The following ZNF486 variants were observed in gnomAD, a reference collection of about 807,000 sequenced individuals.
ZNF486 encodes KRAB box only protein 2.
A neutral mutation model predicts 12.8 loss-of-function variants in ZNF486; 12 were observed. That is an observed-to-expected ratio of 0.94 (90% CI 0.60 to 1.52). The LOEUF (loss-of-function observed/expected upper bound fraction) is 1.52, where lower values mean the gene tolerates loss of function less well. Among genes scored for constraint, ZNF486 ranks in the 40% most tolerant of loss-of-function variants. The probability of loss-of-function intolerance (pLI) is 0.00; values close to 1 mark genes in which losing one functional copy is unlikely to be tolerated. For synonymous variants in ZNF486, 231 were observed against 184.9 expected, an observed-to-expected ratio of 1.25 and a Z score of -2.02; for missense variants, 738 against 545.0, an observed-to-expected ratio of 1.35 and a Z score of -3.53.
intron 1 of ZNF486, among the ~76,000 whole-genome samples, chr19:20,168,846 A>G (rs2122618158): frequency 6.6e-6 from 1 of 151,972 alleles, no homozygotes; most frequent in South Asian, 2.1e-4. Flanking sequence ...GGGTTAAAAA[A>G]AATTTTTTTT....
At chr19:20,190,253 G>GC (rs1389129372) in intron 3 of ZNF486, among the ~76,000 whole-genome samples, 4 of 152,180 alleles carry the variant, frequency 2.6e-5, no homozygotes, top group African/African-American at 9.7e-5. Context: ...TGACCCCTGA[G>GC]CAAGAATATG....
rs1555716040 is a variant in ZNF486 at position 20,184,442 on chromosome 19, G to C, written c.117G>C (p.Arg39Ser). The C allele has an allele frequency of 1.9e-6, 3 of 1,613,154 alleles. No individual in the cohort carries two copies. The Admixed American group carries it at 5.0e-5, about 27-fold the overall frequency. Residue 39 changes from arginine to serine, a missense_variant, in exon 2 of 4, where the codon AGG becomes AGC. Arg to Ser is a moderately radical substitution (Grantham distance 110). Coordinates refer to ENST00000335117, the MANE Select transcript of ZNF486 (RefSeq NM_052852.4). ...CLDTAQQNLY[R>S]DVMLENYRHL... is the part of the protein sequence containing the mutation. ...ACACTGCACAGCAGAATTTATATAGGGATGTGATGTTAGAGAACTACAGAC... is the reference window on the plus strand; with the variant it reads ...ACACTGCACAGCAGAATTTATATAGCGATGTGATGTTAGAGAACTACAGAC...
intron 1 of ZNF486, among the ~76,000 whole-genome samples, chr19:20,180,199 G>A (rs1555715360): frequency 6.6e-6 from 1 of 152,220 alleles, no homozygotes; most frequent in African/African-American, 2.4e-5. Context: ...CTGTCTCAGT[G>A]TAAGAGAAAT....
intron 3 of ZNF486, among the ~76,000 whole-genome samples, chr19:20,189,451 C>T (rs2089881844): frequency 6.6e-6 from 1 of 152,092 alleles, no homozygotes; most frequent in South Asian, 2.1e-4. Context: ...CTTTGTTTTC[C>T]AGCAAGAAGC....
chr19:20,197,788 A>T lies in ZNF486; in HGVS notation c.1078A>T (p.Thr360Ser), dbSNP rs2089975413. 1.2e-6 allele frequency: 2 copies of T among 1,613,768 alleles called. No homozygotes were observed. Among genetic ancestry groups the T allele is most frequent in the South Asian group, 2.2e-5 (2 of 91,070 alleles). ...YKCEECGKAF[T>S]RSSHLTMHKI... ...ATGTGAAGAATGTGGCAAAGCCTTC[A>T]CCCGCTCCTCACACCTTACTATGCA... The change falls in exon 4 of 4, where the codon ACC (threonine) becomes TCC (serine). Residue 360 changes from threonine to serine, a missense_variant. By Grantham distance (58) the Thr-to-Ser change is moderately conservative. Transcript: ENST00000335117.
intron 3 of ZNF486, among the ~76,000 whole-genome samples, chr19:20,194,652 C>T (rs782452482): frequency 8.5e-5 from 13 of 152,078 alleles, no homozygotes; most frequent in African/African-American, 1.7e-4. Context: ...CCCTTGAACC[C>T]GGGAGTTGGA....
intron 1 of ZNF486, 25 bp from the exon 2 acceptor site, chr19:20,184,331 A>ATGTG (rs367731486): frequency 8.4e-6 from 13 of 1,545,014 alleles, no homozygotes; most frequent in African/African-American, 6.9e-5. Context: ...CTTGGTGAAA[A>ATGTG]TGTGTGTGTG....
chr19:20,191,327 C>A (rs1555717152), intron 3 of ZNF486, among the ~76,000 whole-genome samples: 1 of 150,946 alleles, frequency 6.6e-6, no homozygotes, highest in Non-Finnish European at 1.5e-5. Context: ...AAAAGCCGGG[C>A]GTGCTGGTGG....
At chr19:20,190,871 A>G (rs1315395035) in intron 3 of ZNF486, among the ~76,000 whole-genome samples, 4 of 152,086 alleles carry the variant, frequency 2.6e-5, no homozygotes, top group African/African-American at 7.2e-5. Context: ...TAAATCTTCA[A>G]TGTTGGATGT....
At chr19:20,177,561 A>G (rs782355117) in intron 1 of ZNF486, among the ~76,000 whole-genome samples, 2 of 152,162 alleles carry the variant, frequency 1.3e-5, no homozygotes, top group Non-Finnish European at 2.9e-5. Context: ...TGTCACATTC[A>G]AGTTTAATTG....
chr19:20,167,396 G>GGGACTGGTTGATGGGAA, intron 1 of ZNF486, 36 bp downstream of exon 1: 1 of 1,607,816 alleles, frequency 6.2e-7, no homozygotes, highest in Non-Finnish European at 8.5e-7. Context: ...AGAGAGGGGA[G>GGGACTGGTTGATGGGAA]GGACTGGTTG....
chr19:20,192,106 A>C (rs887922845), intron 3 of ZNF486, among the ~76,000 whole-genome samples: 2 of 152,118 alleles, frequency 1.3e-5, no homozygotes, highest in Non-Finnish European at 2.9e-5. Flanking sequence ...GTAGTATTTG[A>C]CCTATAGCAT....
intron 1 of ZNF486, among the ~76,000 whole-genome samples, chr19:20,183,345 CT>C (rs1360122260): frequency 6.6e-6 from 1 of 152,140 alleles, no homozygotes; most frequent in East Asian, 1.9e-4. Flanking sequence ...TAAGAAAATG[CT>C]TTTTTATATG....
intron 1 of ZNF486, among the ~76,000 whole-genome samples, chr19:20,177,572 T>C (rs1245912319): frequency 6.6e-6 from 1 of 152,222 alleles, no homozygotes; most frequent in African/African-American, 2.4e-5. Context: ...AGTTTAATTG[T>C]AAAATAAAAA....
intron 1 of ZNF486, among the ~76,000 whole-genome samples, chr19:20,179,876 A>G (rs1230407468): frequency 6.6e-6 from 1 of 152,194 alleles, no homozygotes; most frequent in Non-Finnish European, 1.5e-5. Context: ...GTGAGAGATC[A>G]AGGCCACAAA....
chr19:20,181,800 A>G (rs1166429370), intron 1 of ZNF486, among the ~76,000 whole-genome samples: 2 of 152,222 alleles, frequency 1.3e-5, no homozygotes, highest in Non-Finnish European at 2.9e-5. Context: ...AAAATTCATG[A>G]CAGAGAAACA....
intron 2 of ZNF486, 127 bp from the exon 3 acceptor site, chr19:20,185,860 G>C (rs1321355722): frequency 2.2e-6 from 1 of 453,838 alleles, no homozygotes; most frequent in Non-Finnish European, 3.6e-6. Context: ...TTAGAAATTT[G>C]TTATGAATTA....
rs1450347268 is a variant in ZNF486 at position 20,188,451 on chromosome 19, A to G, written c.253+2369A>G. 4 of 398,432 alleles carry G rather than the reference A, an allele frequency of 1.0e-5. No homozygotes were observed. In the Admixed American group the frequency reaches 1.3e-4, roughly 13 times the overall value. 24.7% of individuals were successfully genotyped at this position (398,432 alleles called of 1,614,324 possible). ...GTAATCCCAGGATTTTGGGAGGCCA[A>G]CACAGGAGGATCCCTGGAGCCCAAA... On this transcript the variant is annotated intron_variant, in intron 3 of 3. Transcript: ENST00000335117.
intron 1 of ZNF486, among the ~76,000 whole-genome samples, chr19:20,167,974 T>C (rs1032883145): frequency 4.6e-5 from 7 of 152,132 alleles, no homozygotes; most frequent in Non-Finnish European, 1.0e-4. Context: ...TGGAAAAAGT[T>C]TGGGTCTAAG....
Sources: gnomAD v4.1 joint callset for allele counts (sites outside exome capture counted in the v4.1 genomes callset) on GRCh38, gnomAD v4.1.1 for gene constraint, MANE v1.5 for transcripts, NCBI Gene and HGNC (gene_info 2026-07-23, HGNC 2026-07-21) for gene names.